The following GABBR2 variants were observed in gnomAD, a reference collection of about 807,000 sequenced individuals.
GABBR2 encodes the protein gamma-aminobutyric acid type B receptor subunit 2.
Under a neutral mutation model 105.6 loss-of-function variants are expected in GABBR2, and 23 were observed. That is an observed-to-expected ratio of 0.22 (90% CI 0.16 to 0.31). The LOEUF is 0.31. Among genes scored for constraint, GABBR2 ranks in the 10% least tolerant of loss-of-function variants. The pLI is 1.00. For missense variants in GABBR2, 734 were observed against 1,245.5 expected (o/e 0.59, Z 6.18); for synonymous variants, 478 against 499.7 (o/e 0.96, Z 0.58).
intron 7 of GABBR2, among the ~76,000 whole-genome samples, chr9:98,415,829 T>C (rs567861011): frequency 6.6e-6 from 1 of 152,270 alleles, no homozygotes; most frequent in African/African-American, 2.4e-5. Flanking sequence ...CTCAGTTGTG[T>C]CAACTTTAAG....
intron 13 of GABBR2, among the ~76,000 whole-genome samples, chr9:98,353,710 T>C (rs1467657332): frequency 1.3e-5 from 2 of 152,168 alleles, no homozygotes; most frequent in Non-Finnish European, 2.9e-5. Context: ...GGTGATATGG[T>C]TTGGCTGTGT....
chr9:98,482,623 G>A (rs965050709), intron 4 of GABBR2, among the ~76,000 whole-genome samples: 6 of 152,154 alleles, frequency 3.9e-5, no homozygotes, highest in Non-Finnish European at 8.8e-5. Context: ...GCTAAACATG[G>A]TATGGTAAAA....
At chr9:98,473,367 A>G in intron 5 of GABBR2, 21 bp from the exon 6 acceptor site, 1 of 1,541,676 alleles carries the variant, frequency 6.5e-7, no homozygotes, top group Non-Finnish European at 9.0e-7. Flanking sequence ...TGGAGTGACT[A>G]TGAGGGCATT....
chr9:98,613,421 C>T (rs888093801), intron 1 of GABBR2, among the ~76,000 whole-genome samples: 8 of 144,966 alleles, frequency 5.5e-5, no homozygotes, highest in Non-Finnish European at 7.4e-5. Flanking sequence ...GCCTTGGTGA[C>T]GGAGCAAGAC....
Position 98,480,929 on chromosome 9 carries a change from T to C in GABBR2, c.798+3A>G. The C allele has an allele frequency of 6.4e-7, 1 of 1,564,294 alleles. No individual in the cohort carries two copies. The highest frequency in any genetic ancestry group is 8.8e-7 in the Non-Finnish European group (1 of 1,134,482). On this transcript the variant is annotated splice_donor_region_variant and intron_variant, in intron 5 of 18. Transcript: ENST00000259455. ...ACACGAATGATACAACTGTTTTACT[T>C]ACACAACAGAACACTTTTGCTGCCA...
chr9:98,297,228 C>A (rs1039530479), intron 17 of GABBR2, among the ~76,000 whole-genome samples: 2 of 152,068 alleles, frequency 1.3e-5, no homozygotes, highest in African/African-American at 4.8e-5. Context: ...TCCTTGTTAT[C>A]TCAATTTAAA....
intron 2 of GABBR2, among the ~76,000 whole-genome samples, chr9:98,569,076 C>G (rs938586824): frequency 6.6e-6 from 1 of 152,136 alleles, no homozygotes; most frequent in Non-Finnish European, 1.5e-5. Flanking sequence ...AAATGGCCCC[C>G]CTGGAGACCA....
At chr9:98,633,713 G>A (rs1362753112) in intron 1 of GABBR2, among the ~76,000 whole-genome samples, 2 of 151,972 alleles carry the variant, frequency 1.3e-5, no homozygotes, top group Non-Finnish European at 2.9e-5. Flanking sequence ...CACAATGCAA[G>A]TCGGACCCCA....
At chr9:98,420,110 T>G (rs1264226824) in intron 7 of GABBR2, among the ~76,000 whole-genome samples, 1 of 151,822 alleles carries the variant, frequency 6.6e-6, no homozygotes, top group Non-Finnish European at 1.5e-5. Context: ...GGTGGTGTGA[T>G]GAAGGGAAAG....
In GABBR2 at chr9:98,452,015, C is replaced by G. The variant is rs569710680; in HGVS notation, c.1236+1966G>C. Among the ~76,000 whole-genome samples, 9 of 152,344 alleles carry G rather than the reference C, an allele frequency of 5.9e-5. No individual in the cohort carries two copies. The East Asian group carries it at 1.5e-3, about 26-fold the overall frequency. Reference sequence around the variant, plus strand: ...GGGCTTGGGCTCAAATAGTTTCTCCCACAGTGCCAAGCACTTTTAACCTCT... The same window carrying G: ...GGGCTTGGGCTCAAATAGTTTCTCCGACAGTGCCAAGCACTTTTAACCTCT... On this transcript the variant is annotated intron_variant, in intron 7 of 18. Coordinates refer to ENST00000259455, the MANE Select transcript of GABBR2 (RefSeq NM_005458.8).
rs559366298 is a variant in GABBR2 at position 98,665,266 on chromosome 9, C to T, written c.321+43151G>A. On this transcript the variant is annotated intron_variant, in intron 1 of 18. Coordinates refer to ENST00000259455, the MANE Select transcript of GABBR2 (RefSeq NM_005458.8). Reference sequence around the variant, plus strand: ...CCTCCTTGACAGGGTGAGTCAGTCTCTCTCTCTCAATCTCTCTCTCTCTCT... The same window carrying T: ...CCTCCTTGACAGGGTGAGTCAGTCTTTCTCTCTCAATCTCTCTCTCTCTCT... Among the ~76,000 whole-genome samples the T allele has an allele frequency of 3.8e-4, 41 of 108,420 alleles. 2 individuals are homozygous for T. In the South Asian group the frequency reaches 0.012, roughly 32 times the overall value. The allele number at this position is 108,420 out of a possible 152,430, so 71.1% of individuals were successfully genotyped here.
rs77772366 is a variant in GABBR2, at chr9:98,330,302, A to G, written c.1894-19097T>C. ...CTATGTTGTCCAAGAAACCCTCTAAAATCACTCTAGTTGAAATGCATGCAT... is the reference window on the plus strand; with the variant it reads ...CTATGTTGTCCAAGAAACCCTCTAAGATCACTCTAGTTGAAATGCATGCAT... On this transcript the variant is annotated intron_variant, in intron 13 of 18. Coordinates refer to ENST00000259455, the MANE Select transcript of GABBR2 (RefSeq NM_005458.8). Among the ~76,000 whole-genome samples, 129 of 151,838 alleles carry G rather than the reference A, an allele frequency of 8.5e-4. 3 individuals are homozygous for G. In the East Asian group the frequency reaches 0.023, roughly 27 times the overall value.
chr9:98,432,478 G>A (rs929985670), intron 7 of GABBR2, among the ~76,000 whole-genome samples: 12 of 152,084 alleles, frequency 7.9e-5, no homozygotes, highest in African/African-American at 2.7e-4. Context: ...TGGAAGAGGG[G>A]TATAAAACAA....
At chr9:98,321,230 C>T (rs960462219) in intron 13 of GABBR2, among the ~76,000 whole-genome samples, 3 of 152,050 alleles carry the variant, frequency 2.0e-5, no homozygotes, top group African/African-American at 2.4e-5. Context: ...CATGGTCACC[C>T]GATTTTTGTT....
intron 3 of GABBR2, among the ~76,000 whole-genome samples, chr9:98,521,354 A>T (rs2779574): frequency 1.3e-5 from 2 of 151,914 alleles, no homozygotes; most frequent in Non-Finnish European, 2.9e-5. Flanking sequence ...GACTGACCTC[A>T]CAGCCTCTGA....
rs983070172 is a variant in GABBR2, at chr9:98,697,681, T to C, written c.321+10736A>G. Reference sequence around the variant, plus strand: ...TTCCTATTTCCTTTTCCTTTGATTATGACCATGACATTTAGAAGCTCTCCA... The same window carrying C: ...TTCCTATTTCCTTTTCCTTTGATTACGACCATGACATTTAGAAGCTCTCCA... On this transcript the variant is annotated intron_variant, in intron 1 of 18. Transcript: ENST00000259455. Among the ~76,000 whole-genome samples, 10 of 152,364 alleles carry C rather than the reference T, an allele frequency of 6.6e-5. No homozygotes were observed. In the South Asian group the frequency reaches 1.9e-3, roughly 28 times the overall value.
intron 13 of GABBR2, among the ~76,000 whole-genome samples, chr9:98,341,382 A>T (rs1435251): frequency 6.6e-6 from 1 of 152,058 alleles, no homozygotes; most frequent in Admixed American, 6.5e-5. Flanking sequence ...TCTCGCCTGA[A>T]GTTCTTGTTT....
intron 3 of GABBR2, among the ~76,000 whole-genome samples, chr9:98,503,360 G>A (rs977876826): frequency 5.9e-5 from 9 of 152,188 alleles, no homozygotes; most frequent in Non-Finnish European, 2.9e-5. Context: ...TCCAGTTCAC[G>A]TGAAGGATCA....
intron 8 of GABBR2, among the ~76,000 whole-genome samples, chr9:98,398,318 T>C (rs1389008119): frequency 6.7e-6 from 1 of 148,488 alleles, no homozygotes; most frequent in African/African-American, 2.6e-5. Context: ...TACTCAATTC[T>C]AGGACCCACC....
Sources: gnomAD v4.1 joint callset for allele counts (sites outside exome capture counted in the v4.1 genomes callset) on GRCh38, gnomAD v4.1.1 for gene constraint, MANE v1.5 for transcripts, NCBI Gene and HGNC (gene_info 2026-07-23, HGNC 2026-07-21) for gene names.